Variants in COL5A1 observed in about 807,000 individuals in gnomAD.
COL5A1 encodes the protein collagen type V alpha 1 chain.
Under a neutral mutation model 263.7 loss-of-function variants are expected in COL5A1, and 16 were observed. That is an observed-to-expected ratio of 0.06 (90% CI 0.04 to 0.09). The LOEUF (loss-of-function observed/expected upper bound fraction) is 0.09, where lower values mean the gene tolerates loss of function less well. Ranked by LOEUF, COL5A1 falls within the 10% of genes least tolerant of loss-of-function variation. The probability of loss-of-function intolerance (pLI) is 1.00; values close to 1 mark genes in which losing one functional copy is unlikely to be tolerated. For missense variants in COL5A1, 2,036 were observed against 2,540.5 expected (o/e 0.80, Z 4.27); for synonymous variants, 1,012 against 1,004.5 (o/e 1.01, Z -0.14).
At chr9:134,828,467 C>T (rs1025972310) in intron 63 of COL5A1, among the ~76,000 whole-genome samples, 1 of 98,984 alleles carries the variant, frequency 1.0e-5, no homozygotes, top group African/African-American at 5.8e-5. Context: ...CAGATGCACA[C>T]TACACACCAC....
intron 37 of COL5A1, among the ~76,000 whole-genome samples, chr9:134,800,367 A>G (rs936907462): frequency 6.6e-6 from 1 of 152,156 alleles, no homozygotes; most frequent in Non-Finnish European, 1.5e-5. Context: ...CTGACCCCAT[A>G]AGTGCAATGA....
chr9:134,642,230 C>T lies in COL5A1; in HGVS notation c.43C>T (p.Pro15Ser). 3 of 1,296,394 alleles carry T rather than the reference C, an allele frequency of 2.3e-6. No homozygotes were observed. Among genetic ancestry groups the T allele is most frequent in the Non-Finnish European group, 2.0e-6 (2 of 1,018,194 alleles). The allele number at this position is 1,296,394 out of a possible 1,614,324, so 80.3% of individuals were successfully genotyped here. A position where few individuals can be genotyped will look rare whatever the true frequency, so the allele number is the denominator to read the frequency against. Reference sequence around the variant, plus strand: ...CTGGAAAGCGCGCAGCGCGCTCCGCCCGGGCGCCCCGCTGCTGCCCCCGCT... The same window carrying T: ...CTGGAAAGCGCGCAGCGCGCTCCGCTCGGGCGCCCCGCTGCTGCCCCCGCT... ...TRWKARSALR[P>S]GAPLLPPLLL... The change falls in exon 1 of 66, where the codon CCG (proline) becomes TCG (serine). Residue 15 changes from proline (P) to serine (S), a missense_variant. Pro to Ser is a moderately conservative substitution (Grantham distance 74). Transcript: ENST00000371817. This position sits in a 1 kb window ranked among gnomAD's most constrained non-coding sequence, Gnocchi z 4.5.
At chr9:134,748,267 A>C (rs940345007) in intron 11 of COL5A1, among the ~76,000 whole-genome samples, 5 of 152,020 alleles carry the variant, frequency 3.3e-5, no homozygotes, top group African/African-American at 1.2e-4. Flanking sequence ...ACATGCACAC[A>C]CATGCCTTTA....
chr9:134,759,017 T>A (rs1836101362), intron 18 of COL5A1, among the ~76,000 whole-genome samples: 1 of 152,098 alleles, frequency 6.6e-6, no homozygotes, highest in Non-Finnish European at 1.5e-5. Context: ...GGAGGTGTGG[T>A]GGGGAAGGCT....
intron 1 of COL5A1, among the ~76,000 whole-genome samples, chr9:134,679,837 C>T (rs940049269): frequency 9.9e-5 from 15 of 152,076 alleles, no homozygotes; most frequent in South Asian, 8.3e-4. Flanking sequence ...AGTCCCCTCG[C>T]GAGGCCCCAC....
chr9:134,780,025 C>T (rs1837192122), intron 27 of COL5A1, 77 bp from the exon 28 acceptor site: 2 of 1,553,566 alleles, frequency 1.3e-6, no homozygotes, highest in African/African-American at 1.4e-5. Flanking sequence ...CTCAGCCTGT[C>T]TTGACACGCC....
In COL5A1 at chr9:134,801,718, C is replaced by CAG. The variant is rs56665904; in HGVS notation, c.2953-233_2953-232dup. Among the ~76,000 whole-genome samples, 72,376 of 150,944 alleles carry CAG rather than the reference C, an allele frequency of 0.48. 17,622 individuals carry two copies. Among genetic ancestry groups the CAG allele is most frequent in the East Asian group, 0.78 (3,987 of 5,096 alleles). On this transcript the variant is annotated intron_variant, in intron 37 of 65. Coordinates refer to ENST00000371817, the MANE Select transcript of COL5A1 (RefSeq NM_000093.5). ...AGGAGAATCACTTGAACCTGGGAGGCAGAGGTTGCAGTGACCCAAGATCGA... is the reference window on the plus strand; with the variant it reads ...AGGAGAATCACTTGAACCTGGGAGGCAGAGAGGTTGCAGTGACCCAAGATCGA...
At chr9:134,816,668 G>A (rs753007910) in intron 52 of COL5A1, among the ~76,000 whole-genome samples, 3 of 152,230 alleles carry the variant, frequency 2.0e-5, no homozygotes, top group Admixed American at 6.5e-5. Flanking sequence ...ACCACTTCCC[G>A]GCCTGTGTCC....
At position 134,757,512 on chromosome 9, in the gene COL5A1, C is replaced by T. The variant is rs1836023938; in HGVS notation, c.1881+694C>T. On this transcript the variant is annotated intron_variant, in intron 17 of 65. Coordinates refer to ENST00000371817, the MANE Select transcript of COL5A1 (RefSeq NM_000093.5). The surrounding 1 kb of genome is among the most constrained non-coding windows in gnomAD (Gnocchi z 6.2). Reference sequence around the variant, plus strand: ...CCAAAAAAATGCCAGGGCTCAACTACACCTGTTCCCTCTTAACGGGCGTGG... The same window carrying T: ...CCAAAAAAATGCCAGGGCTCAACTATACCTGTTCCCTCTTAACGGGCGTGG... Among the ~76,000 whole-genome samples, 1 of 152,214 alleles carries T rather than the reference C, an allele frequency of 6.6e-6. No homozygotes were observed. Among genetic ancestry groups the T allele is most frequent in the Non-Finnish European group, 1.5e-5 (1 of 68,046 alleles).
At chr9:134,833,171 C>T (rs1246808394) in intron 64 of COL5A1, among the ~76,000 whole-genome samples, 1 of 152,242 alleles carries the variant, frequency 6.6e-6, no homozygotes, top group Non-Finnish European at 1.5e-5. Flanking sequence ...AAGGTCCTGC[C>T]TAGGCCAGGA....
Position 134,766,484 on chromosome 9 carries a change from C to A in COL5A1, c.2119C>A (p.Pro707Thr), listed in dbSNP as rs776908617. The A allele has an allele frequency of 4.0e-5, 65 of 1,614,000 alleles. No homozygotes were observed. The highest frequency in any genetic ancestry group is 5.3e-5 in the Non-Finnish European group (63 of 1,180,016). Residue 707 changes from proline to threonine, a missense_variant, in exon 22 of 66, where the codon CCA (proline) becomes ACA (threonine). Coordinates refer to ENST00000371817, the MANE Select transcript of COL5A1 (RefSeq NM_000093.5). ...CACGGGTATGGACGGCCAGCCGGGG[C>A]CAAAAGGAAATGTGGTAAGTCCCTG... is the stretch of plus-strand genomic sequence containing the variant. ...GVTGMDGQPG[P>T]KGNVGPQGEP...
chr9:134,737,941 G>T (rs146357798), intron 9 of COL5A1, among the ~76,000 whole-genome samples: 2 of 152,272 alleles, frequency 1.3e-5, no homozygotes, highest in East Asian at 3.9e-4. Flanking sequence ...ATGGGAGGAT[G>T]CACCTCTTAC....
At chr9:134,834,103 C>T (rs1466284734) in intron 64 of COL5A1, among the ~76,000 whole-genome samples, 2 of 152,080 alleles carry the variant, frequency 1.3e-5, no homozygotes, top group Non-Finnish European at 2.9e-5. Context: ...GTCCAGGGCT[C>T]AGGGAGAAGT....
chr9:134,815,661 C>A, intron 51 of COL5A1, 32 bp downstream of exon 51: 1 of 1,609,020 alleles, frequency 6.2e-7, no homozygotes, highest in Non-Finnish European at 8.5e-7. Flanking sequence ...GCCACCGGAT[C>A]CCCCACAGTG....
rs371277072 is a variant in COL5A1, at chr9:134,732,227, C to T, written c.1389+100C>T. 5.7e-5 allele frequency: 71 copies of T among 1,240,284 alleles called. No individual in the cohort carries two copies. The African/African-American group carries it at 7.8e-4, about 14-fold the overall frequency. 76.8% of individuals were successfully genotyped at this position (1,240,284 alleles called of 1,614,324 possible). On this transcript the variant is annotated intron_variant, in intron 9 of 65. Transcript: ENST00000371817. ...TGAACAGGTCCGTGGGCCCCTGCAC[C>T]TGCGCGCACTGGGTCACTTCGAGCA...
chr9:134,700,227 G>T lies in COL5A1; in HGVS notation c.491+105G>T, dbSNP rs915239398. On this transcript the variant is annotated intron_variant, in intron 3 of 65. Transcript: ENST00000371817. The surrounding 1 kb of genome is among the most constrained non-coding windows in gnomAD (Gnocchi z 4.0). ...CACAGTAGAGGACGTGCAGCAGCCG[G>T]TACTGAGACTCCCACAGACGCCGCA... 109 of 1,081,622 alleles carry T rather than the reference G, an allele frequency of 1.0e-4. 1 individual carries two copies. The South Asian group carries it at 1.4e-3, about 14-fold the overall frequency. 67.0% of individuals were successfully genotyped at this position (1,081,622 alleles called of 1,614,324 possible). A position where few individuals can be genotyped will look rare whatever the true frequency, so the allele number is the denominator to read the frequency against.
intron 9 of COL5A1, among the ~76,000 whole-genome samples, chr9:134,733,742 C>T (rs1043935653): frequency 6.6e-6 from 1 of 152,320 alleles, no homozygotes; most frequent in East Asian, 1.9e-4. Flanking sequence ...CTGCTCTGCC[C>T]AAGGGTGTTT....
rs113627102 is a variant in COL5A1 at position 134,729,129 on chromosome 9, G to A, written c.924+322G>A. On this transcript the variant is annotated intron_variant, in intron 6 of 65. Coordinates refer to ENST00000371817, the MANE Select transcript of COL5A1 (RefSeq NM_000093.5). ...CAGGCCCAGGATGAGTTTGGTTCTC[G>A]GGTTCCTTAAGTGTGGGTGCAGCTG... Among the ~76,000 whole-genome samples, 630 of 152,330 alleles carry A rather than the reference G, an allele frequency of 4.1e-3. 2 individuals carry two copies. The highest frequency in any genetic ancestry group is 3.8e-3 in the Non-Finnish European group (256 of 68,018).
chr9:134,814,840 C>T lies in COL5A1; in HGVS notation c.3950C>T (p.Ser1317Leu). Reference protein sequence around the residue: ...ERGEKGESGPSGAAGPPGPKG... With the variant: ...ERGEKGESGPLGAAGPPGPKG... ...GGAGAGAAGGGCGAGTCAGGCCCTT[C>T]AGGTGCTGCCGGACCCCCTGGACCC... Residue 1317 changes from serine to leucine, a missense_variant, in exon 50 of 66, where the codon TCA becomes TTA. Transcript: ENST00000371817. The T allele has an allele frequency of 1.3e-6, 2 of 1,551,912 alleles. No homozygotes were observed. The highest frequency in any genetic ancestry group is 1.7e-6 in the Non-Finnish European group (2 of 1,147,286).
Sources: gnomAD v4.1 joint callset for allele counts (sites outside exome capture counted in the v4.1 genomes callset) on GRCh38, gnomAD v4.1.1 for gene constraint, Gnocchi (gnomAD v3.1) non-coding constraint, MANE v1.5 for transcripts, NCBI Gene and HGNC (gene_info 2026-07-23, HGNC 2026-07-21) for gene names.